SCAP: variants seen among roughly 807,000 people sequenced by gnomAD.
SCAP encodes SREBF chaperone, also known as sterol regulatory element-binding protein cleavage-activating protein.
Under a neutral mutation model 123.6 loss-of-function variants are expected in SCAP, and 65 were observed. The observed-to-expected ratio is 0.53, with a 90% confidence interval of 0.43 to 0.65. SCAP has a LOEUF of 0.65. SCAP is among the 30% of genes least tolerant of loss of function. The pLI is 0.00. For missense variants in SCAP, 1,398 were observed against 1,712.5 expected (o/e 0.82, Z 3.24); for synonymous variants, 740 against 726.3 (o/e 1.02, Z -0.30).
intron 1 of SCAP, among the ~76,000 whole-genome samples, chr3:47,456,522 T>C (rs1374529112): frequency 2.6e-5 from 4 of 152,072 alleles, no homozygotes; most frequent in Non-Finnish European, 5.9e-5. Flanking sequence ...TCCCAGCACT[T>C]TGGGAGGCCG....
At position 47,418,778 on chromosome 3, in the gene SCAP, C is replaced by A; in HGVS notation, c.2006G>T (p.Gly669Val). The A allele has an allele frequency of 1.3e-6, 2 of 1,565,560 alleles. No homozygotes were observed. Among genetic ancestry groups the A allele is most frequent in the Non-Finnish European group, 1.7e-6 (2 of 1,160,864 alleles). Reference sequence around the variant, plus strand: ...ACTGCGGCCGTCCTGAGGGTGCCGGCCCTCCAGAGCCTCCCTCGGGTTCAG... The same window carrying A: ...ACTGCGGCCGTCCTGAGGGTGCCGGACCTCCAGAGCCTCCCTCGGGTTCAG... ...LRLNPREALE[G>V]RHPQDGRSAW... The change falls in exon 14 of 23, where the codon GGC (glycine) becomes GTC (valine). Residue 669 changes from glycine to valine, a missense_variant. This residue lies in a region of SCAP where 828 missense variants were observed against 882.5 expected (regional missense o/e 0.94). Coordinates refer to ENST00000265565, the MANE Select transcript of SCAP (RefSeq NM_012235.4).
chr3:47,453,397 G>A (rs1439084146), intron 1 of SCAP, among the ~76,000 whole-genome samples: 8 of 148,824 alleles, frequency 5.4e-5, no homozygotes, highest in South Asian at 2.1e-4. Context: ...ATTTTTAATG[G>A]AAAAAAAAAA....
intron 2 of SCAP, among the ~76,000 whole-genome samples, chr3:47,441,033 C>T (rs559857793): frequency 9.2e-5 from 14 of 152,036 alleles, no homozygotes; most frequent in Non-Finnish European, 1.6e-4. Flanking sequence ...TCCCGAGTGG[C>T]GGGGACTACA....
chr3:47,455,173 A>G (rs546297077), intron 1 of SCAP, among the ~76,000 whole-genome samples: 3 of 150,712 alleles, frequency 2.0e-5, no homozygotes, highest in Non-Finnish European at 3.0e-5. Flanking sequence ...ATGCCTTCAC[A>G]TACATCAACA....
Position 47,417,721 on chromosome 3 carries a change from G to C in SCAP, c.2553C>G (p.Ser851Arg). ...CCCGGGGGCGGTGTCTCAGGGGAGG[G>C]CTGTCCCCAGGCTCCTCTGGACCAG... is the stretch of plus-strand genomic sequence containing the variant. Reference protein sequence around the residue: ...GKAGPEEPGDSPPLRHRPRGP... With the variant: ...GKAGPEEPGDRPPLRHRPRGP... The change falls in exon 17 of 23, where the codon AGC becomes AGG. Residue 851 changes from serine to arginine, a missense_variant. This residue lies in a region of SCAP where 828 missense variants were observed against 882.5 expected (regional missense o/e 0.94). Coordinates refer to ENST00000265565, the MANE Select transcript of SCAP (RefSeq NM_012235.4). 1.2e-5 allele frequency: 20 copies of C among 1,608,268 alleles called. No individual in the cohort carries two copies. Among genetic ancestry groups the C allele is most frequent in the Non-Finnish European group, 1.6e-5 (19 of 1,178,750 alleles).
At chr3:47,428,487 G>A in intron 4 of SCAP, 26 bp downstream of exon 4, 1 of 1,611,254 alleles carries the variant, frequency 6.2e-7, no homozygotes, top group Non-Finnish European at 8.5e-7. Context: ...GGGATTCAGG[G>A]AGGCCAGGGT....
At chr3:47,467,555 T>G (rs1444652013) in intron 1 of SCAP, among the ~76,000 whole-genome samples, 3 of 151,486 alleles carry the variant, frequency 2.0e-5, no homozygotes, top group African/African-American at 7.3e-5. Context: ...CAGTCAACTG[T>G]GATTGCGCCA....
rs1423927620 is a variant in SCAP at position 47,425,988 on chromosome 3, T to A, written c.910+9A>T. The A allele has an allele frequency of 6.2e-7, 1 of 1,613,966 alleles. No individual in the cohort carries two copies. Among genetic ancestry groups the A allele is most frequent in the South Asian group, 1.1e-5 (1 of 91,078 alleles). On this transcript the variant is annotated intron_variant, in intron 7 of 22. Transcript: ENST00000265565. The stretch of plus-strand genomic sequence containing the variant: ...GAGAAAGCCCTCAGCCTCCCTGCCA[T>A]GAACCTACGCGTGGAGAAGTAGATG...
At chr3:47,424,242 C>T (rs1409274041) in intron 8 of SCAP, among the ~76,000 whole-genome samples, 197 bp from the exon 9 acceptor site, 1 of 152,230 alleles carries the variant, frequency 6.6e-6, no homozygotes, top group Non-Finnish European at 1.5e-5. Flanking sequence ...TTCAGGCAGG[C>T]TCCAGAGCCT....
At chr3:47,445,320 C>T (rs1223054866) in intron 1 of SCAP, among the ~76,000 whole-genome samples, 2 of 148,348 alleles carry the variant, frequency 1.3e-5, no homozygotes, top group East Asian at 2.0e-4. Flanking sequence ...AATCTCCACT[C>T]AATGCAACCT....
At chr3:47,476,371 G>A (rs1165677917), upstream of SCAP, among the ~76,000 whole-genome samples, 1 of 152,152 alleles carries the variant, frequency 6.6e-6, no homozygotes, top group East Asian at 1.9e-4. Context: ...TGAGGTAGGA[G>A]GATCACCTGA....
intron 1 of SCAP, among the ~76,000 whole-genome samples, chr3:47,474,979 CA>C (rs1708210384): frequency 6.6e-6 from 1 of 152,100 alleles, no homozygotes; most frequent in South Asian, 2.1e-4. Flanking sequence ...AATTTTTGGC[CA>C]AATAAAAGAA....
rs189047938 is a variant in SCAP at position 47,448,666 on chromosome 3, C to A, written c.-98-5575G>T. On this transcript the variant is annotated intron_variant, in intron 1 of 22. Coordinates refer to ENST00000265565, the MANE Select transcript of SCAP (RefSeq NM_012235.4). Reference sequence around the variant, plus strand: ...TTCTCCATTCTGCTATTGAGCCCACCCAATTAATTTTTCATTTAGGTTGTC... The same window carrying A: ...TTCTCCATTCTGCTATTGAGCCCACACAATTAATTTTTCATTTAGGTTGTC... 2.0e-5 allele frequency among the ~76,000 whole-genome samples: 3 copies of A among 152,038 alleles called. No individual in the cohort carries two copies. The East Asian group carries it at 5.8e-4, about 29-fold the overall frequency.
intron 2 of SCAP, among the ~76,000 whole-genome samples, chr3:47,438,156 T>C (rs2107886902): frequency 6.6e-6 from 1 of 152,354 alleles, no homozygotes; most frequent in Admixed American, 6.5e-5. Flanking sequence ...CACTTGGATA[T>C]AGCAACTTTT....
intron 1 of SCAP, among the ~76,000 whole-genome samples, chr3:47,452,432 G>A (rs1241513995): frequency 6.6e-6 from 1 of 152,198 alleles, no homozygotes; most frequent in East Asian, 1.9e-4. Context: ...TATTAGGACA[G>A]TGCTCAGTAC....
At position 47,414,183 on chromosome 3, in the gene SCAP, C is replaced by T. The variant is rs372930525; in HGVS notation, c.3591G>A (p.Gln1197=). The part of the protein sequence containing the change: ...RSTGIKFYSI[Q]QDLGCGASLG... ...CTATGATCCCCATCCCCTCTACCTG[C>T]TGAATGGAGTAGAACTTGATGCCTG... Residue 1197 remains glutamine (Q), a synonymous_variant, in exon 22 of 23, where the codon CAG becomes CAA. Coordinates refer to ENST00000265565, the MANE Select transcript of SCAP (RefSeq NM_012235.4). 4 of 1,613,736 alleles carry T rather than the reference C, an allele frequency of 2.5e-6. No individual in the cohort carries two copies. The African/African-American group carries it at 5.3e-5, about 21-fold the overall frequency.
At chr3:47,440,875 A>T (rs959728492) in intron 2 of SCAP, among the ~76,000 whole-genome samples, 5 of 152,100 alleles carry the variant, frequency 3.3e-5, no homozygotes, top group Non-Finnish European at 5.9e-5. Context: ...AAGAAAAAAA[A>T]GAATGGGATA....
At chr3:47,464,161 G>A (rs1277311141) in intron 1 of SCAP, among the ~76,000 whole-genome samples, 7 of 152,010 alleles carry the variant, frequency 4.6e-5, no homozygotes, top group Admixed American at 3.9e-4. Flanking sequence ...GATTACAGGC[G>A]CTTCCCACTA....
In SCAP at chr3:47,420,896, G is replaced by C. The variant is rs775857389; in HGVS notation, c.1344+35C>G. 2 of 1,597,280 alleles carry C rather than the reference G, an allele frequency of 1.3e-6. No homozygotes were observed. Among genetic ancestry groups the C allele is most frequent in the African/African-American group, 2.7e-5 (2 of 74,290 alleles). ...ACTCCCTCAGTACAGCCAGGGCTGA[G>C]GAGGCGGGCAGGGCAGGGCTCAGCC... is the stretch of plus-strand genomic sequence containing the variant. On this transcript the variant is annotated intron_variant, in intron 11 of 22. Transcript: ENST00000265565. The surrounding 1 kb of genome is among the most constrained non-coding windows in gnomAD (Gnocchi z 5.0).
Sources: gnomAD v4.1 joint callset for allele counts (sites outside exome capture counted in the v4.1 genomes callset) on GRCh38, gnomAD v4.1.1 for gene constraint, gnomAD v4.1.1 regional missense constraint, Gnocchi (gnomAD v3.1) non-coding constraint, MANE v1.5 for transcripts, NCBI Gene and HGNC (gene_info 2026-07-23, HGNC 2026-07-21) for gene names.